Variants in ARHGAP6 observed in about 807,000 individuals in gnomAD.
ARHGAP6 encodes Rho GTPase activating protein 6.
ARHGAP6 carries 16 observed loss-of-function variants against 55.7 expected under a neutral mutation model. The observed-to-expected ratio is 0.29, with a 90% CI of 0.19 to 0.44. The LOEUF (loss-of-function observed/expected upper bound fraction) is 0.44, where lower values mean the gene tolerates loss of function less well. Among genes scored for constraint, ARHGAP6 ranks in the 20% least tolerant of loss-of-function variants. The probability of loss-of-function intolerance (pLI) is 1.00; values close to 1 mark genes in which losing one functional copy is unlikely to be tolerated. For missense variants in ARHGAP6, 698 were observed against 808.9 expected (o/e 0.86, Z 1.66); for synonymous variants, 382 against 360.9 (o/e 1.06, Z -0.66).
chrX:11,275,129 T>G (rs1163742300), intron 1 of ARHGAP6, among the ~76,000 whole-genome samples: 1 of 111,854 alleles, frequency 8.9e-6, no homozygotes, highest in Non-Finnish European at 1.9e-5. Context: ...ACATTATAGA[T>G]TTGTCTCCAT....
At chrX:11,152,184 T>C (rs1027348641) in intron 10 of ARHGAP6, among the ~76,000 whole-genome samples, 1 of 112,253 alleles carries the variant, frequency 8.9e-6, no homozygotes, top group African/African-American at 3.2e-5. Flanking sequence ...TATTAACTCT[T>C]AACTAATAGA....
chrX:11,415,160 T>C lies in ARHGAP6; in HGVS notation c.589-160453A>G, dbSNP rs769995124. ...TTAATTTTTAATTGTCAATTAAAAATAAATTTTAAAAAGTATCCAGGGAGG... is the reference window on the plus strand; with the variant it reads ...TTAATTTTTAATTGTCAATTAAAAACAAATTTTAAAAAGTATCCAGGGAGG... On this transcript the variant is annotated intron_variant, in intron 1 of 12. Transcript: ENST00000337414. Among the ~76,000 whole-genome samples the C allele has an allele frequency of 5.3e-5, 6 of 112,349 alleles. No individual in the cohort carries two copies. In the South Asian group the frequency reaches 1.1e-3, roughly 21 times the overall value.
chrX:11,156,423 A>G (rs1190609444), intron 10 of ARHGAP6, 106 bp downstream of exon 10: 1 of 700,748 alleles, frequency 1.4e-6, no homozygotes, highest in African/African-American at 2.2e-5. Flanking sequence ...CCAAAATTCC[A>G]CTTCAGGTCA....
intron 1 of ARHGAP6, among the ~76,000 whole-genome samples, chrX:11,473,263 C>T (rs2050366823): frequency 9.0e-6 from 1 of 111,371 alleles, no homozygotes; most frequent in African/African-American, 3.3e-5. Flanking sequence ...GAGGAATGTA[C>T]AGTACAACAT....
In ARHGAP6 at chrX:11,590,162, G is replaced by A. The variant is rs755466437; in HGVS notation, c.588+74079C>T. ...TCTTAAAAATACACAGCAATGGCGT[G>A]TATATGGAGATTTTTAAAAATCTAC... On this transcript the variant is annotated intron_variant, in intron 1 of 12. Transcript: ENST00000337414. Among the ~76,000 whole-genome samples, 3 of 111,831 alleles carry A rather than the reference G, an allele frequency of 2.7e-5. No individual in the cohort carries two copies. The East Asian group carries it at 8.4e-4, about 31-fold the overall frequency.
chrX:11,491,267 G>T, intron 1 of ARHGAP6, among the ~76,000 whole-genome samples: 1 of 111,539 alleles, frequency 9.0e-6, no homozygotes, highest in Middle Eastern at 4.6e-3. Context: ...CACACAATGT[G>T]CAGGTTACAT....
chrX:11,282,993 T>A (rs1455941969), intron 1 of ARHGAP6, among the ~76,000 whole-genome samples: 1 of 112,121 alleles, frequency 8.9e-6, no homozygotes, highest in Non-Finnish European at 1.9e-5. Context: ...AGACGTTTCA[T>A]GTAAATTATA....
intron 1 of ARHGAP6, among the ~76,000 whole-genome samples, chrX:11,456,423 C>G (rs1248798458): frequency 9.0e-6 from 1 of 111,669 alleles, no homozygotes; most frequent in Non-Finnish European, 1.9e-5. Context: ...ACCTGCCCTG[C>G]CCAATGTCAT....
intron 1 of ARHGAP6, among the ~76,000 whole-genome samples, chrX:11,511,938 T>C: frequency 1.8e-5 from 2 of 111,563 alleles, no homozygotes; most frequent in Middle Eastern, 9.2e-3. Context: ...ACCATTCTCC[T>C]GCCTCAGCCT....
At chrX:11,549,702 G>T (rs1357488715) in intron 1 of ARHGAP6, among the ~76,000 whole-genome samples, 1 of 112,196 alleles carries the variant, frequency 8.9e-6, no homozygotes, top group Non-Finnish European at 1.9e-5. Context: ...GTCTGGAAAG[G>T]CCCTGAAAAA....
intron 2 of ARHGAP6, among the ~76,000 whole-genome samples, chrX:11,234,560 G>A (rs868054265): frequency 8.9e-6 from 1 of 112,544 alleles, no homozygotes; most frequent in East Asian, 2.8e-4. Context: ...TCTCATTGAA[G>A]TATATGCTTG....
chrX:11,332,015 C>G (rs188084373), intron 1 of ARHGAP6, among the ~76,000 whole-genome samples: 2 of 111,992 alleles, frequency 1.8e-5, no homozygotes, highest in Non-Finnish European at 3.8e-5. Flanking sequence ...GTACCCAAGT[C>G]CAAGGCTATT....
At chrX:11,276,638 ACAAG>A (rs2047772271) in intron 1 of ARHGAP6, among the ~76,000 whole-genome samples, 2 of 111,635 alleles carry the variant, frequency 1.8e-5, no homozygotes, top group Non-Finnish European at 3.8e-5. Flanking sequence ...TGACGTGAAA[ACAAG>A]CCATCTGCAC....
chrX:11,537,581 T>G (rs749926287), intron 1 of ARHGAP6, among the ~76,000 whole-genome samples: 30 of 112,310 alleles, frequency 2.7e-4, no homozygotes, highest in Non-Finnish European at 4.5e-4. Flanking sequence ...TTAGCCATGG[T>G]ATTTGAAATA....
At chrX:11,648,336 T>C (rs1312778807) in intron 1 of ARHGAP6, among the ~76,000 whole-genome samples, 1 of 112,027 alleles carries the variant, frequency 8.9e-6, no homozygotes, top group Non-Finnish European at 1.9e-5. Context: ...ATTACCAAGA[T>C]TGCCCCAGTA....
rs934435706 is a variant in ARHGAP6 at position 11,489,337 on chromosome X, C to T, written c.588+174904G>A. 7.2e-5 allele frequency among the ~76,000 whole-genome samples: 8 copies of T among 111,512 alleles called. No individual in the cohort carries two copies. The Admixed American group carries it at 7.6e-4, about 11-fold the overall frequency. ...CAACAAAAGCACTAACCAAGGTGAA[C>T]AATAGCAGAAGGAAAAGAAGGTAAG... On this transcript the variant is annotated intron_variant, in intron 1 of 12. Coordinates refer to ENST00000337414, the MANE Select transcript of ARHGAP6 (RefSeq NM_013427.3).
At chrX:11,396,184 C>T (rs2049475487) in intron 1 of ARHGAP6, among the ~76,000 whole-genome samples, 1 of 110,520 alleles carries the variant, frequency 9.0e-6, no homozygotes, top group African/African-American at 3.3e-5. Flanking sequence ...CCATAGGCTA[C>T]CTTGAGAATC....
At chrX:11,325,222 T>C (rs999902206) in intron 1 of ARHGAP6, among the ~76,000 whole-genome samples, 1 of 112,311 alleles carries the variant, frequency 8.9e-6, no homozygotes, top group Admixed American at 9.4e-5. Flanking sequence ...CTGTTTAAAG[T>C]GTGTGACTGC....
At chrX:11,363,707 T>C (rs2049040473) in intron 1 of ARHGAP6, among the ~76,000 whole-genome samples, 1 of 112,242 alleles carries the variant, frequency 8.9e-6, no homozygotes, top group Non-Finnish European at 1.9e-5. Context: ...TAGACAGAAG[T>C]CCACTGAACT....
Sources: allele counts gnomAD v4.1 joint callset (sites outside exome capture counted in the v4.1 genomes callset), GRCh38; gene constraint gnomAD v4.1.1; transcripts MANE v1.5; gene names NCBI Gene and HGNC (gene_info 2026-07-23, HGNC 2026-07-21).